The following PTPRD variants were observed in gnomAD, a reference collection of about 807,000 sequenced individuals.
The protein encoded by PTPRD is receptor-type tyrosine-protein phosphatase delta.
PTPRD carries 34 observed loss-of-function variants against 214.5 expected under a neutral mutation model. The observed-to-expected ratio is 0.16, with a 90% CI of 0.12 to 0.21. The LOEUF (loss-of-function observed/expected upper bound fraction) is 0.21. Among genes scored for constraint, PTPRD ranks in the 10% least tolerant of loss-of-function variants. The probability of loss-of-function intolerance (pLI) is 1.00; values close to 1 mark genes in which losing one functional copy is unlikely to be tolerated. For missense variants in PTPRD, 2,545 were observed against 2,398.7 expected (o/e 1.06, Z -1.27); for synonymous variants, 1,128 against 845.7 (o/e 1.33, Z -5.79).
At chr9:9,037,811 G>A (rs185714693) in intron 10 of PTPRD, among the ~76,000 whole-genome samples, 1 of 152,144 alleles carries the variant, frequency 6.6e-6, no homozygotes, top group East Asian at 1.9e-4. Context: ...CAGATTGTTG[G>A]AGGGTCTTAT....
chr9:9,294,318 T>A (rs1171106689), intron 9 of PTPRD, among the ~76,000 whole-genome samples: 2 of 151,706 alleles, frequency 1.3e-5, no homozygotes, highest in South Asian at 4.1e-4. Context: ...AACCTGTGTA[T>A]ATACACATAC....
At chr9:8,796,335 G>C (rs1192472068) in intron 11 of PTPRD, among the ~76,000 whole-genome samples, 1 of 152,002 alleles carries the variant, frequency 6.6e-6, no homozygotes, top group Non-Finnish European at 1.5e-5. Context: ...TCTATAATAG[G>C]GGCTAGTGGA....
chr9:10,563,158 A>G (rs2064515592), intron 2 of PTPRD, among the ~76,000 whole-genome samples: 1 of 152,168 alleles, frequency 6.6e-6, no homozygotes, highest in African/African-American at 2.4e-5. Context: ...GGACAAATAC[A>G]GCATTCCTGA....
At chr9:8,360,248 G>C (rs901613221) in intron 39 of PTPRD, among the ~76,000 whole-genome samples, 10 of 152,190 alleles carry the variant, frequency 6.6e-5, no homozygotes, top group African/African-American at 2.2e-4. Flanking sequence ...GCAGGTAAAT[G>C]GAAAAATATT....
At chr9:9,613,828 T>C (rs934660453) in intron 7 of PTPRD, among the ~76,000 whole-genome samples, 1 of 152,118 alleles carries the variant, frequency 6.6e-6, no homozygotes, top group African/African-American at 2.4e-5. Context: ...GAAGCAGTGC[T>C]CTGGATAACA....
chr9:8,464,090 T>C (rs1177826835), intron 32 of PTPRD, among the ~76,000 whole-genome samples: 2 of 151,926 alleles, frequency 1.3e-5, no homozygotes, highest in Non-Finnish European at 2.9e-5. Context: ...TCTTTATCAG[T>C]TGTGACACAT....
intron 11 of PTPRD, among the ~76,000 whole-genome samples, chr9:8,988,118 T>C (rs974995491): frequency 6.6e-6 from 1 of 151,882 alleles, no homozygotes; most frequent in African/African-American, 2.4e-5. Context: ...ACAGCTAAGA[T>C]AGGAAGGCAT....
At chr9:8,985,654 A>G (rs181006031) in intron 11 of PTPRD, among the ~76,000 whole-genome samples, 1 of 152,128 alleles carries the variant, frequency 6.6e-6, no homozygotes, top group East Asian at 1.9e-4. Context: ...AAAAAAAAAA[A>G]AAAGATTCTA....
At chr9:8,579,713 G>A (rs967118476) in intron 14 of PTPRD, among the ~76,000 whole-genome samples, 1 of 152,240 alleles carries the variant, frequency 6.6e-6, no homozygotes, top group Non-Finnish European at 1.5e-5. Context: ...GCTTCATAGA[G>A]TAAGGTTGCA....
At chr9:9,407,963 T>G (rs2074096766) in intron 8 of PTPRD, among the ~76,000 whole-genome samples, 1 of 151,772 alleles carries the variant, frequency 6.6e-6, no homozygotes, top group African/African-American at 2.4e-5. Context: ...GTGGAAGACT[T>G]TTAATTTTTA....
intron 20 of PTPRD, among the ~76,000 whole-genome samples, chr9:8,519,806 G>C (rs1349509535): frequency 2.0e-5 from 3 of 152,142 alleles, no homozygotes; most frequent in Admixed American, 2.0e-4. Flanking sequence ...AAAAGACAGG[G>C]AAGTGGCAAG....
intron 3 of PTPRD, among the ~76,000 whole-genome samples, chr9:10,262,540 G>A (rs978195144): frequency 2.0e-5 from 3 of 152,140 alleles, no homozygotes; most frequent in African/African-American, 7.2e-5. Context: ...CATCCATGTA[G>A]GATACATAAT....
At chr9:8,321,409 AGTG>A (rs1296653878) in intron 44 of PTPRD, among the ~76,000 whole-genome samples, 2 of 148,808 alleles carry the variant, frequency 1.3e-5, no homozygotes, top group Non-Finnish European at 3.0e-5. Flanking sequence ...AAATAAGAAA[AGTG>A]GTATTTTCAG....
intron 7 of PTPRD, among the ~76,000 whole-genome samples, chr9:9,653,168 C>A (rs1478205202): frequency 6.8e-6 from 1 of 147,568 alleles, no homozygotes; most frequent in Non-Finnish European, 1.5e-5. Flanking sequence ...AGGTGAAACC[C>A]CGTCTCTACT....
intron 12 of PTPRD, among the ~76,000 whole-genome samples, chr9:8,730,341 A>G (rs529049880): frequency 6.6e-6 from 1 of 152,214 alleles, no homozygotes; most frequent in South Asian, 2.1e-4. Context: ...AGAATGAAGA[A>G]GTATTCACAA....
chr9:10,562,585 AAT>A (rs1293840255), intron 2 of PTPRD, among the ~76,000 whole-genome samples: 15 of 152,168 alleles, frequency 9.9e-5, no homozygotes, highest in African/African-American at 3.1e-4. Context: ...ATATCACATA[AAT>A]ATGAGTACAT....
intron 3 of PTPRD, among the ~76,000 whole-genome samples, chr9:10,073,694 A>C (rs1210736135): frequency 6.6e-6 from 1 of 152,034 alleles, no homozygotes; most frequent in Non-Finnish European, 1.5e-5. Context: ...ATCAGCATGC[A>C]TTGGACAATG....
intron 5 of PTPRD, among the ~76,000 whole-genome samples, chr9:9,871,624 G>A (rs902165892): frequency 2.0e-5 from 3 of 150,280 alleles, no homozygotes; most frequent in East Asian, 2.0e-4. Flanking sequence ...GGGGCAGAGG[G>A]TAAGCAACCT....
chr9:9,929,646 C>T (rs747759676), intron 5 of PTPRD, among the ~76,000 whole-genome samples: 22 of 152,084 alleles, frequency 1.4e-4, no homozygotes, highest in Non-Finnish European at 2.8e-4. Flanking sequence ...CCCACCTCAG[C>T]CTCACAAAGT....
Sources: allele counts gnomAD v4.1 joint callset (sites outside exome capture counted in the v4.1 genomes callset), GRCh38; gene constraint gnomAD v4.1.1; transcripts MANE v1.5; gene names NCBI Gene and HGNC (gene_info 2026-07-23, HGNC 2026-07-21).